The following MTMR7 variants were observed in gnomAD, a reference collection of about 807,000 sequenced individuals.
The protein encoded by MTMR7 is phosphatidylinositol-3-phosphate phosphatase MTMR7.
In MTMR7, 76 loss-of-function variants were observed where a neutral mutation model predicts 81.2. That is an observed-to-expected ratio of 0.94 (90% CI 0.78 to 1.13). MTMR7 has a LOEUF of 1.13. Among genes scored for constraint, MTMR7 ranks in the 50% most tolerant of loss-of-function variants. The pLI is 0.00. For synonymous variants in MTMR7, 372 were observed against 289.8 expected, an observed-to-expected ratio of 1.28 and a Z score of -2.88; for missense variants, 1,044 against 820.0, an observed-to-expected ratio of 1.27 and a Z score of -3.34.
At chr8:17,351,427 G>C (rs1217262198) in intron 4 of MTMR7, among the ~76,000 whole-genome samples, 1 of 152,188 alleles carries the variant, frequency 6.6e-6, no homozygotes, top group Non-Finnish European at 1.5e-5. Context: ...TCAACACCCA[G>C]AGGCCCACTC....
chr8:17,378,476 C>T (rs1376485759), intron 1 of MTMR7, among the ~76,000 whole-genome samples: 1 of 152,040 alleles, frequency 6.6e-6, no homozygotes, highest in African/African-American at 2.4e-5. Context: ...GTTGGGCTAA[C>T]TTAATTCTGT....
At chr8:17,406,153 G>C (rs1388069768) in intron 1 of MTMR7, among the ~76,000 whole-genome samples, 1 of 152,030 alleles carries the variant, frequency 6.6e-6, no homozygotes, top group African/African-American at 2.4e-5. Context: ...AAATAAGTTG[G>C]ACTTCATCAA....
chr8:17,373,825 CTCA>C (rs1748558806), intron 1 of MTMR7, among the ~76,000 whole-genome samples: 1 of 152,200 alleles, frequency 6.6e-6, no homozygotes, highest in Non-Finnish European at 1.5e-5. Flanking sequence ...ATTATCACCA[CTCA>C]GCTAAAATCC....
chr8:17,403,119 G>A (rs1350803334), intron 1 of MTMR7, among the ~76,000 whole-genome samples: 1 of 152,052 alleles, frequency 6.6e-6, no homozygotes, highest in Non-Finnish European at 1.5e-5. Flanking sequence ...CTATAGAGTT[G>A]TTTGAGCCCC....
rs745920393 is a variant in MTMR7, at chr8:17,309,327, C to T, written c.1102-1G>A. 8 of 1,552,996 alleles carry T rather than the reference C, an allele frequency of 5.2e-6. 1 individual carries two copies. Among genetic ancestry groups the T allele is most frequent in the Non-Finnish European group, 2.7e-6 (3 of 1,126,058 alleles). Reference sequence around the variant, plus strand: ...AAATCCAGTCCTTTTCAATTAATACCTACACAAGAAAGAATACAAATATCT... The same window carrying T: ...AAATCCAGTCCTTTTCAATTAATACTTACACAAGAAAGAATACAAATATCT... On this transcript the variant is annotated splice_acceptor_variant, in intron 9 of 13. Transcript: ENST00000180173. LOFTEE classifies it high-confidence loss of function.
In MTMR7 at chr8:17,298,670, T is replaced by C. The variant is rs1816901027; in HGVS notation, c.*1192A>G. 1 of 152,582 alleles carries C rather than the reference T, an allele frequency of 6.6e-6. No homozygotes were observed. Among genetic ancestry groups the C allele is most frequent in the Non-Finnish European group, 1.5e-5 (1 of 67,996 alleles). 9.5% of individuals were successfully genotyped at this position (152,582 alleles called of 1,614,324 possible). ...TTTTACATTCTAGAATGTACTAATA[T>C]ATTAAAACCATACAGTGTGAATACC... is the stretch of plus-strand genomic sequence containing the variant. On this transcript the variant is annotated 3_prime_UTR_variant, in exon 14 of 14. Coordinates refer to ENST00000180173, the MANE Select transcript of MTMR7 (RefSeq NM_004686.5).
At chr8:17,311,483 G>C in intron 9 of MTMR7, 28 bp downstream of exon 9, 1 of 1,613,854 alleles carries the variant, frequency 6.2e-7, no homozygotes, top group South Asian at 1.1e-5. Context: ...GGCACCGCCT[G>C]TGGGAATCGC....
chr8:17,362,262 T>C (rs1820083101), intron 3 of MTMR7, among the ~76,000 whole-genome samples: 1 of 152,240 alleles, frequency 6.6e-6, no homozygotes, highest in African/African-American at 2.4e-5. Flanking sequence ...ACATTTTGTT[T>C]TGTGCTGTCT....
intron 3 of MTMR7, among the ~76,000 whole-genome samples, chr8:17,366,981 G>A (rs1473861519): frequency 7.0e-6 from 1 of 143,604 alleles, no homozygotes; most frequent in East Asian, 2.0e-4. Context: ...TAAAAATGAG[G>A]GTGCCTCACC....
At chr8:17,364,102 T>A (rs1007643137) in intron 3 of MTMR7, among the ~76,000 whole-genome samples, 1 of 138,404 alleles carries the variant, frequency 7.2e-6, no homozygotes, top group African/African-American at 2.7e-5. Context: ...CGATCTCGGC[T>A]CACTGCAAGC....
chr8:17,304,700 C>A (rs1184358715), intron 11 of MTMR7, among the ~76,000 whole-genome samples, 181 bp from the exon 12 acceptor site: 1 of 149,294 alleles, frequency 6.7e-6, no homozygotes, highest in African/African-American at 2.5e-5. Flanking sequence ...CTGTAATAAT[C>A]TCAACTTCAC....
At position 17,299,786 on chromosome 8, in the gene MTMR7, C is replaced by T; in HGVS notation, c.*76G>A. On this transcript the variant is annotated 3_prime_UTR_variant, in exon 14 of 14. Transcript: ENST00000180173. Reference sequence around the variant, plus strand: ...TGACATGCACCATTTCCTGTTTTTACAATAAACCACCTTGTTCCCTTGTTT... The same window carrying T: ...TGACATGCACCATTTCCTGTTTTTATAATAAACCACCTTGTTCCCTTGTTT... 6.4e-7 allele frequency: 1 copy of T among 1,556,642 alleles called. No individual in the cohort carries two copies. The highest frequency in any genetic ancestry group is 8.7e-7 in the Non-Finnish European group (1 of 1,150,210).
At position 17,297,880 on chromosome 8, in the gene MTMR7, A is replaced by T. The variant is rs1212797911; in HGVS notation, c.*1982T>A. The T allele has an allele frequency of 6.6e-6, 1 of 152,034 alleles. No individual in the cohort carries two copies. Among genetic ancestry groups the T allele is most frequent in the Non-Finnish European group, 1.5e-5 (1 of 67,914 alleles). The allele number at this position is 152,034 out of a possible 1,614,324, so 9.4% of individuals were successfully genotyped here. A position where few individuals can be genotyped will look rare whatever the true frequency, so the allele number is the denominator to read the frequency against. The stretch of plus-strand genomic sequence containing the variant: ...AGCAGACGAACATGTTACATAAATT[A>T]TAATGTCTGTCTTGTAAAAAAGTTG... On this transcript the variant is annotated 3_prime_UTR_variant, in exon 14 of 14. Transcript: ENST00000180173.
intron 1 of MTMR7, among the ~76,000 whole-genome samples, chr8:17,400,505 C>G (rs990680716): frequency 4.6e-5 from 7 of 152,198 alleles, no homozygotes; most frequent in African/African-American, 1.7e-4. Flanking sequence ...ATGCTATCTC[C>G]AGGCCCTCTG....
intron 1 of MTMR7, among the ~76,000 whole-genome samples, chr8:17,378,258 A>C (rs1212878358): frequency 6.6e-6 from 1 of 152,222 alleles, no homozygotes; most frequent in Non-Finnish European, 1.5e-5. Context: ...GAACACCAAC[A>C]GTATGATTTC....
chr8:17,300,175 C>T lies in MTMR7; in HGVS notation c.1670G>A (p.Ser557Asn). The change falls in exon 14 of 14, where the codon AGT becomes AAT. Residue 557 changes from serine to asparagine, a missense_variant. By Grantham distance (46) the Ser-to-Asn change is conservative (BLOSUM62 1). Coordinates refer to ENST00000180173, the MANE Select transcript of MTMR7 (RefSeq NM_004686.5). ...KVQLNCTKVK[S>N]KQSEPSKHSG... ...GTGCTTGCTGGGCTCACTTTGCTTA[C>T]TCTTCACCTTAGTGCAATTTAACTG... 6.2e-7 allele frequency: 1 copy of T among 1,614,084 alleles called. No individual in the cohort carries two copies. The highest frequency in any genetic ancestry group is 1.1e-5 in the South Asian group (1 of 91,084).
intron 10 of MTMR7, among the ~76,000 whole-genome samples, chr8:17,306,388 T>G (rs1817456749): frequency 6.6e-6 from 1 of 151,148 alleles, no homozygotes; most frequent in Admixed American, 6.6e-5. Context: ...AAAAGACAAC[T>G]TGAAAAAAAA....
chr8:17,412,617 T>G (rs1368356456), intron 1 of MTMR7, among the ~76,000 whole-genome samples: 2 of 152,180 alleles, frequency 1.3e-5, no homozygotes, highest in Non-Finnish European at 2.9e-5. Flanking sequence ...CTGGTGTTGT[T>G]AAAACACAAC....
At chr8:17,338,149 G>C (rs1014343991) in intron 6 of MTMR7, among the ~76,000 whole-genome samples, 1 of 152,180 alleles carries the variant, frequency 6.6e-6, no homozygotes, top group Non-Finnish European at 1.5e-5. Context: ...TGAAGTGTGC[G>C]TGCATGGATA....
Sources: gnomAD v4.1 joint callset for allele counts (sites outside exome capture counted in the v4.1 genomes callset) on GRCh38, gnomAD v4.1.1 for gene constraint, MANE v1.5 for transcripts, NCBI Gene and HGNC (gene_info 2026-07-23, HGNC 2026-07-21) for gene names.